The following OR1C1 variants were observed in gnomAD, a reference collection of about 807,000 sequenced individuals.
The protein encoded by OR1C1 is olfactory receptor family 1 subfamily C member 1.
For missense variants in OR1C1, 407 were observed against 384.3 expected, an observed-to-expected ratio of 1.06 and a Z score of -0.49; for synonymous variants, 153 against 154.6, an observed-to-expected ratio of 0.99 and a Z score of 0.08.
rs1661202168 is a variant in OR1C1, at chr1:247,755,858, G to A, written c.*1604C>T. 1 of 152,124 alleles carries A rather than the reference G, an allele frequency of 6.6e-6. No homozygotes were observed. Among genetic ancestry groups the A allele is most frequent in the African/African-American group, 2.4e-5 (1 of 41,412 alleles). 9.4% of individuals were successfully genotyped at this position (152,124 alleles called of 1,614,324 possible). On this transcript the variant is annotated 3_prime_UTR_variant, in exon 2 of 2. Coordinates refer to ENST00000641256, the MANE Select transcript of OR1C1 (RefSeq NM_012353.3). ...TGTCAATATAATATTGGATGTCATG[G>A]GGTAGTAGGCTGCCCAACCTGAAAC...
chr1:247,757,696 A>G lies in OR1C1; in HGVS notation c.711T>C (p.Ala237=). 1 of 1,614,092 alleles carries G rather than the reference A, an allele frequency of 6.2e-7. No homozygotes were observed. The highest frequency in any genetic ancestry group is 8.5e-7 in the Non-Finnish European group (1 of 1,180,004). The change falls in exon 2 of 2, where the codon GCT becomes GCC. Residue 237 remains alanine, a synonymous_variant. Coordinates refer to ENST00000641256, the MANE Select transcript of OR1C1 (RefSeq NM_012353.3). The stretch of plus-strand genomic sequence containing the variant: ...ACAGGTGGCAGCTGCAGGTGGAAAC[A>G]GCTCTCTGCTTGCCCTGAGTAGAGG... ...KITSTQGKQR[A]VSTCSCHLSV... is the part of the protein sequence containing the mutation.
At chr1:247,759,579 A>G (rs1051065796) in intron 1 of OR1C1, among the ~76,000 whole-genome samples, 4 of 152,172 alleles carry the variant, frequency 2.6e-5, no homozygotes, top group Admixed American at 6.5e-5. Context: ...TAGGACTTCT[A>G]TTTTATTGAT....
rs776276746 is a variant in OR1C1 at position 247,757,611 on chromosome 1, G to C, written c.796C>G (p.His266Asp). 6.2e-7 allele frequency: 1 copy of C among 1,613,920 alleles called. No homozygotes were observed. The highest frequency in any genetic ancestry group is 1.7e-5 in the Admixed American group (1 of 59,978). ...GACAGAGTGTCGCTCTCAGGCATAT[G>C]GGGGGATGAAGGGCTGAAATAGACG... ...IAVYFSPSSP[H>D]MPESDTLSTI... Residue 266 changes from histidine to aspartate, a missense_variant, in exon 2 of 2, where the codon CAT becomes GAT. Coordinates refer to ENST00000641256, the MANE Select transcript of OR1C1 (RefSeq NM_012353.3).
intron 1 of OR1C1, among the ~76,000 whole-genome samples, chr1:247,759,056 C>T (rs1029740843): frequency 6.6e-6 from 1 of 152,066 alleles, no homozygotes; most frequent in Non-Finnish European, 1.5e-5. Flanking sequence ...CAGGACCCTT[C>T]CTTGTAGCAT....
In OR1C1 at chr1:247,758,544, C is replaced by T. The variant is rs752407543; in HGVS notation, c.-13-125G>A. On this transcript the variant is annotated intron_variant, in intron 1 of 1. Transcript: ENST00000641256. ...CATGCGTGCGCAGGTAAGTAGCATC[C>T]AAACTTGCTTGCTTGAATGCTTTCC... The T allele has an allele frequency of 3.1e-4, 186 of 598,980 alleles. 1 individual carries two copies. The highest frequency in any genetic ancestry group is 2.4e-4 in the Admixed American group (8 of 33,798). 37.1% of individuals were successfully genotyped at this position (598,980 alleles called of 1,614,324 possible). A position where few individuals can be genotyped will look rare whatever the true frequency, so the allele number is the denominator to read the frequency against.
In OR1C1 at chr1:247,758,333, T is replaced by G. The variant is rs372436106; in HGVS notation, c.74A>C (p.His25Pro). 1 of 1,613,704 alleles carries G rather than the reference T, an allele frequency of 6.2e-7. No individual in the cohort carries two copies. Among genetic ancestry groups the G allele is most frequent in the South Asian group, 1.1e-5 (1 of 91,044 alleles). ...ACAGAGAAAGAGCACAGACAGGAGG[T>G]GCTGCTGCTCTGCTGAGCTAGGAAG... ...LGLPSSAEQQ[H>P]LLSVLFLCMY... Residue 25 changes from histidine (H) to proline (P), a missense_variant, in exon 2 of 2, where the codon CAC becomes CCC. Coordinates refer to ENST00000641256, the MANE Select transcript of OR1C1 (RefSeq NM_012353.3).
At position 247,756,769 on chromosome 1, in the gene OR1C1, G is replaced by A. The variant is rs1661216574; in HGVS notation, c.*693C>T. 1 of 152,144 alleles carries A rather than the reference G, an allele frequency of 6.6e-6. No individual in the cohort carries two copies. The highest frequency in any genetic ancestry group is 1.5e-5 in the Non-Finnish European group (1 of 68,042). The allele number at this position is 152,144 out of a possible 1,614,324, so 9.4% of individuals were successfully genotyped here. A position where few individuals can be genotyped will look rare whatever the true frequency, so the allele number is the denominator to read the frequency against. On this transcript the variant is annotated 3_prime_UTR_variant, in exon 2 of 2. Coordinates refer to ENST00000641256, the MANE Select transcript of OR1C1 (RefSeq NM_012353.3). This position sits in a 1 kb window ranked among gnomAD's most constrained non-coding sequence, Gnocchi z 4.3. Reference sequence around the variant, plus strand: ...TTCCCCATATGAAAAATGCAGCTGAGAACCTGATCTCTTCTCTAAAGATAT... The same window carrying A: ...TTCCCCATATGAAAAATGCAGCTGAAAACCTGATCTCTTCTCTAAAGATAT...
rs1032263815 is a variant in OR1C1 at position 247,758,233 on chromosome 1, AG to A, written c.173del (p.Pro58LeufsTer25). ...CCAAGTTACTAAGGAAGAAGTACAT[AG>A]GGGAATGGAGGTGAGAGTCAAAGCC... ...TIGFDSHLHS[P>X]MYFFLSNLAF... On this transcript the variant is annotated frameshift_variant, in exon 2 of 2. Transcript: ENST00000641256. LOFTEE classifies it low-confidence loss of function (END_TRUNC). The A allele has an allele frequency of 4.3e-6, 7 of 1,613,954 alleles. No individual in the cohort carries two copies. The highest frequency in any genetic ancestry group is 5.9e-6 in the Non-Finnish European group (7 of 1,179,998).
At chr1:247,758,575 C>T (rs2103235532) in intron 1 of OR1C1, 156 bp from the exon 2 acceptor site, 2 of 581,774 alleles carry the variant, frequency 3.4e-6, no homozygotes, top group African/African-American at 1.9e-5. Flanking sequence ...TTTCCAATGA[C>T]ATCTTGTGTT....
In OR1C1 at chr1:247,757,290, T is replaced by C. The variant is rs1352189849; in HGVS notation, c.*172A>G. ...TATAAAGAATGCTATATGGTTTTTA[T>C]ATATTTACTCAGAGGATTTAATGTG... On this transcript the variant is annotated 3_prime_UTR_variant, in exon 2 of 2. Coordinates refer to ENST00000641256, the MANE Select transcript of OR1C1 (RefSeq NM_012353.3). The C allele has an allele frequency of 3.4e-6, 2 of 587,872 alleles. No homozygotes were observed. The highest frequency in any genetic ancestry group is 6.0e-6 in the Non-Finnish European group (2 of 331,960). 36.4% of individuals were successfully genotyped at this position (587,872 alleles called of 1,614,324 possible).
Position 247,757,426 on chromosome 1 carries a change from C to A in OR1C1, c.*36G>T. ...AGCATCTAGTCACACTTTCTTATCA[C>A]CACATTAGTATTATTTAATTCAGTC... On this transcript the variant is annotated 3_prime_UTR_variant, in exon 2 of 2. Transcript: ENST00000641256. 1.3e-6 allele frequency: 2 copies of A among 1,494,054 alleles called. No homozygotes were observed. The highest frequency in any genetic ancestry group is 9.2e-7 in the Non-Finnish European group (1 of 1,084,126). The allele number at this position is 1,494,054 out of a possible 1,614,324, so 92.5% of individuals were successfully genotyped here.
At chr1:247,760,201 T>G (rs1226049853) in intron 1 of OR1C1, among the ~76,000 whole-genome samples, 1 of 152,222 alleles carries the variant, frequency 6.6e-6, no homozygotes, top group African/African-American at 2.4e-5. Flanking sequence ...AATGAATATA[T>G]GAGTTTTGCA....
chr1:247,759,580 T>G (rs1292483502), intron 1 of OR1C1, among the ~76,000 whole-genome samples: 1 of 152,240 alleles, frequency 6.6e-6, no homozygotes, highest in East Asian at 1.9e-4. Context: ...AGGACTTCTA[T>G]TTTATTGATT....
Position 247,760,516 on chromosome 1 carries a change from G to GAA in OR1C1, c.-120_-119dup, listed in dbSNP as rs1661313733. On this transcript the variant is annotated 5_prime_UTR_variant, in exon 1 of 2. Coordinates refer to ENST00000641256, the MANE Select transcript of OR1C1 (RefSeq NM_012353.3). ...TTGATTCAGATTTCTAGTCAAGAGT[G>GAA]AAAAAGAGAAGAATGAGATATAGAC... 1 of 152,114 alleles carries GAA rather than the reference G, an allele frequency of 6.6e-6. No homozygotes were observed. Among genetic ancestry groups the GAA allele is most frequent in the South Asian group, 2.1e-4 (1 of 4,824 alleles). 9.4% of individuals were successfully genotyped at this position (152,114 alleles called of 1,614,324 possible).
At chr1:247,758,487 A>AGAGT in intron 1 of OR1C1, 68 bp from the exon 2 acceptor site, 1 of 596,408 alleles carries the variant, frequency 1.7e-6, no homozygotes, top group Non-Finnish European at 3.0e-6. Context: ...AGAGAGAGAC[A>AGAGT]GTGTGTGTGT....
Position 247,757,742 on chromosome 1 carries a change from A to T in OR1C1, c.665T>A (p.Phe222Tyr), listed in dbSNP as rs1458086937. Reference protein sequence around the residue: ...VCILVSYGLIFSTVLKITSTQ... With the variant: ...VCILVSYGLIYSTVLKITSTQ... ...AGAGGTGATCTTCAGAACAGTGGAG[A>T]AGATAAGTCCATAAGATACGAGGAT... Residue 222 changes from phenylalanine to tyrosine, a missense_variant, in exon 2 of 2, where the codon TTC (phenylalanine) becomes TAC (tyrosine). Physicochemically the swap from Phe to Tyr is conservative, Grantham distance 22. Coordinates refer to ENST00000641256, the MANE Select transcript of OR1C1 (RefSeq NM_012353.3). The T allele has an allele frequency of 1.2e-6, 2 of 1,613,944 alleles. No individual in the cohort carries two copies. Among genetic ancestry groups the T allele is most frequent in the African/African-American group, 2.7e-5 (2 of 74,896 alleles).
At position 247,757,460 on chromosome 1, in the gene OR1C1, C is replaced by A. The variant is rs868424342; in HGVS notation, c.*2G>T. 2 of 1,606,128 alleles carry A rather than the reference C, an allele frequency of 1.2e-6. No homozygotes were observed. The highest frequency in any genetic ancestry group is 1.1e-5 in the South Asian group (1 of 90,706). On this transcript the variant is annotated 3_prime_UTR_variant, in exon 2 of 2. Transcript: ENST00000641256. Reference sequence around the variant, plus strand: ...TATTATTTAATTCAGTCACTGAGGTCATTATTGCTGCTGAAAGACTGTGCA... The same window carrying A: ...TATTATTTAATTCAGTCACTGAGGTAATTATTGCTGCTGAAAGACTGTGCA...
chr1:247,758,306 A>G lies in OR1C1; in HGVS notation c.101T>C (p.Met34Thr), dbSNP rs1280761807. Residue 34 changes from methionine to threonine, a missense_variant, in exon 2 of 2, where the codon ATG (methionine) becomes ACG (threonine). Physicochemically the swap from Met to Thr is moderately conservative, Grantham distance 81. Coordinates refer to ENST00000641256, the MANE Select transcript of OR1C1 (RefSeq NM_012353.3). The part of the protein sequence containing the change: ...QHLLSVLFLC[M>T]YLATTLGNML... ...GTTCCCCAAGGTGGTGGCTAAATAC[A>G]TACAGAGAAAGAGCACAGACAGGAG... The G allele has an allele frequency of 1.9e-6, 3 of 1,613,958 alleles. No homozygotes were observed. Among genetic ancestry groups the G allele is most frequent in the Admixed American group, 1.7e-5 (1 of 59,968 alleles).
In OR1C1 at chr1:247,760,474, A is replaced by G. The variant is rs376954947; in HGVS notation, c.-76T>C. ...TTCCTGAATATCCAATCACAAAAGCATAGATGGACCTATGCATTGATTCAG... is the reference window on the plus strand; with the variant it reads ...TTCCTGAATATCCAATCACAAAAGCGTAGATGGACCTATGCATTGATTCAG... On this transcript the variant is annotated 5_prime_UTR_variant, in exon 1 of 2. An upstream start codon of the reference 5' UTR is lost. Coordinates refer to ENST00000641256, the MANE Select transcript of OR1C1 (RefSeq NM_012353.3). 5.3e-5 allele frequency: 8 copies of G among 152,316 alleles called. No individual in the cohort carries two copies. Among genetic ancestry groups the G allele is most frequent in the East Asian group, 1.9e-4 (1 of 5,182 alleles). 9.4% of individuals were successfully genotyped at this position (152,316 alleles called of 1,614,324 possible). A position where few individuals can be genotyped will look rare whatever the true frequency, so the allele number is the denominator to read the frequency against.
Sources: gnomAD v4.1 joint callset for allele counts (sites outside exome capture counted in the v4.1 genomes callset) on GRCh38, gnomAD v4.1.1 for gene constraint, Gnocchi (gnomAD v3.1) non-coding constraint, MANE v1.5 for transcripts, NCBI Gene and HGNC (gene_info 2026-07-23, HGNC 2026-07-21) for gene names.